Variants in MSH3 observed in about 807,000 individuals in gnomAD.
MSH3 encodes the protein mutS homolog 3.
MSH3 carries 106 observed loss-of-function variants against 123.3 expected under a neutral mutation model. The observed-to-expected ratio is 0.86, with a 90% CI of 0.73 to 1.01. The LOEUF (loss-of-function observed/expected upper bound fraction) is 1.01, where lower values mean the gene tolerates loss of function less well. Ranked by LOEUF, MSH3 falls within the 50% of genes least tolerant of loss-of-function variation. The pLI, the probability that MSH3 is intolerant of heterozygous loss-of-function variation, is 0.00. For synonymous variants in MSH3, 515 were observed against 481.4 expected, an observed-to-expected ratio of 1.07 and a Z score of -0.91; for missense variants, 1,459 against 1,347.6, an observed-to-expected ratio of 1.08 and a Z score of -1.29.
intron 8 of MSH3, among the ~76,000 whole-genome samples, chr5:80,685,687 A>G (rs895042684): frequency 1.1e-4 from 17 of 151,656 alleles, no homozygotes; most frequent in Non-Finnish European, 2.5e-4. Context: ...TTTATTTTAT[A>G]TTAATTTTGG....
Position 80,873,120 on chromosome 5 carries a change from AGC to A in MSH3, c.3136_3137del (p.Ala1046ArgfsTer5). 6.2e-7 allele frequency: 1 copy of A among 1,613,226 alleles called. No individual in the cohort carries two copies. The highest frequency in any genetic ancestry group is 8.5e-7 in the Non-Finnish European group (1 of 1,179,248). ...EDESKLDPGA[A>X]EQVPDFVTFL... ...TCTCCTTTCTTTATTTCACAGGCGCAGCAGAACAAGTCCCTGATTTTGTCACC... is the reference window on the plus strand; with the variant it reads ...TCTCCTTTCTTTATTTCACAGGCGCAAGAACAAGTCCCTGATTTTGTCACC... On this transcript the variant is annotated frameshift_variant, in exon 23 of 24. Coordinates refer to ENST00000265081, the MANE Select transcript of MSH3 (RefSeq NM_002439.5). LOFTEE classifies it high-confidence loss of function.
At chr5:80,845,306 G>A (rs1043849978) in intron 20 of MSH3, among the ~76,000 whole-genome samples, 2 of 152,108 alleles carry the variant, frequency 1.3e-5, no homozygotes, top group East Asian at 1.9e-4. Context: ...GTGGGTAACC[G>A]GACCTTTCTC....
At chr5:80,677,538 G>C (rs1749869927) in intron 7 of MSH3, among the ~76,000 whole-genome samples, 3 of 152,082 alleles carry the variant, frequency 2.0e-5, no homozygotes, top group Admixed American at 2.0e-4. Context: ...ATCTCTCTAG[G>C]CTCTAGAGAA....
chr5:80,688,727 TTAGTA>T (rs2112826397), intron 8 of MSH3, among the ~76,000 whole-genome samples: 1 of 150,716 alleles, frequency 6.6e-6, no homozygotes, highest in South Asian at 2.1e-4. Context: ...GAATTAAACA[TTAGTA>T]TAAAGGTTTC....
rs1391784097 is a variant in MSH3, at chr5:80,654,735, G to C, written c.8G>C (p.Arg3Pro). 1 of 1,599,926 alleles carries C rather than the reference G, an allele frequency of 6.3e-7. No homozygotes were observed. Among genetic ancestry groups the C allele is most frequent in the South Asian group, 1.1e-5 (1 of 90,242 alleles). Residue 3 changes from arginine to proline, a missense_variant, in exon 1 of 24, where the codon CGC becomes CCC. Transcript: ENST00000265081. ...TGCCATCCTTGCCCTGCCATGTCTC[G>C]CCGGAAGCCTGCGTCGGGCGGCCTC... The part of the protein sequence containing the change: MS[R>P]RKPASGGLAA...
intron 13 of MSH3, among the ~76,000 whole-genome samples, chr5:80,763,911 T>G (rs1744082992): frequency 6.6e-6 from 1 of 152,262 alleles, no homozygotes; most frequent in African/African-American, 2.4e-5. Flanking sequence ...AAATATAGTT[T>G]ACTAACGGAA....
intron 18 of MSH3, among the ~76,000 whole-genome samples, chr5:80,791,921 G>A (rs773461585): frequency 7.1e-4 from 108 of 152,268 alleles, no homozygotes; most frequent in South Asian, 1.2e-3. Flanking sequence ...AGAGGTGCTT[G>A]AATACACAGC....
chr5:80,813,921 G>T (rs1261913206), intron 20 of MSH3, among the ~76,000 whole-genome samples, 180 bp downstream of exon 20: 1 of 152,122 alleles, frequency 6.6e-6, no homozygotes, highest in African/African-American at 2.4e-5. Flanking sequence ...AGCACTTTGG[G>T]AGACCAAGGC....
intron 20 of MSH3, among the ~76,000 whole-genome samples, chr5:80,836,532 T>A (rs1255303459): frequency 5.0e-5 from 5 of 100,108 alleles, no homozygotes; most frequent in African/African-American, 2.2e-4. Context: ...ATCAGCTCTT[T>A]GAATATGCCA....
At chr5:80,692,725 T>G (rs571994152) in intron 8 of MSH3, among the ~76,000 whole-genome samples, 2 of 137,390 alleles carry the variant, frequency 1.5e-5, no homozygotes, top group African/African-American at 5.3e-5. Flanking sequence ...TTTATATAGA[T>G]AAATATACAT....
chr5:80,691,763 A>T (rs1750259921), intron 8 of MSH3, among the ~76,000 whole-genome samples: 1 of 114,640 alleles, frequency 8.7e-6, no homozygotes, highest in Non-Finnish European at 1.8e-5. Context: ...ATATATATTT[A>T]TATATGTACA....
At chr5:80,714,906 A>T (rs1174579028) in intron 8 of MSH3, among the ~76,000 whole-genome samples, 2 of 151,890 alleles carry the variant, frequency 1.3e-5, no homozygotes, top group Non-Finnish European at 2.9e-5. Context: ...TTAGTCCGAT[A>T]CTCTCTCTCT....
intron 10 of MSH3, among the ~76,000 whole-genome samples, chr5:80,730,194 G>A (rs373563701): frequency 2.0e-5 from 3 of 152,286 alleles, no homozygotes; most frequent in Admixed American, 2.0e-4. Context: ...GAAAATGAAT[G>A]AACTAGAGCT....
chr5:80,742,609 TG>T (rs1428209019), intron 11 of MSH3, among the ~76,000 whole-genome samples: 2 of 152,226 alleles, frequency 1.3e-5, no homozygotes, highest in African/African-American at 2.4e-5. Context: ...CTCCTGAATC[TG>T]CATATTATTA....
At chr5:80,692,346 A>G (rs1750301645) in intron 8 of MSH3, among the ~76,000 whole-genome samples, 1 of 69,980 alleles carries the variant, frequency 1.4e-5, no homozygotes, top group African/African-American at 7.4e-5. Context: ...ATAAACATGT[A>G]TATGTTTAGA....
chr5:80,695,728 C>G (rs368304423), intron 8 of MSH3, among the ~76,000 whole-genome samples: 38 of 152,286 alleles, frequency 2.5e-4, no homozygotes, highest in African/African-American at 8.7e-4. Flanking sequence ...TGTGTAATTG[C>G]TGTTAAAACA....
chr5:80,694,698 G>T (rs1750429760), intron 8 of MSH3, among the ~76,000 whole-genome samples: 1 of 151,796 alleles, frequency 6.6e-6, no homozygotes, highest in African/African-American at 2.4e-5. Context: ...ATCTGAGAAT[G>T]CCTTGATTTG....
intron 8 of MSH3, among the ~76,000 whole-genome samples, chr5:80,697,613 G>A (rs978567719): frequency 1.3e-5 from 2 of 152,096 alleles, no homozygotes; most frequent in African/African-American, 4.8e-5. Flanking sequence ...AAACATGTTG[G>A]AGCAATTGTA....
At chr5:80,725,810 A>G (rs1743285330) in intron 9 of MSH3, among the ~76,000 whole-genome samples, 1 of 152,192 alleles carries the variant, frequency 6.6e-6, no homozygotes, top group African/African-American at 2.4e-5. Flanking sequence ...TTATCATGCC[A>G]TTGCAGTCCA....
Sources: allele counts gnomAD v4.1 joint callset (sites outside exome capture counted in the v4.1 genomes callset), GRCh38; gene constraint gnomAD v4.1.1; transcripts MANE v1.5; gene names NCBI Gene and HGNC (gene_info 2026-07-23, HGNC 2026-07-21).